ANGPT1: variants seen among roughly 807,000 people sequenced by gnomAD.
ANGPT1 encodes angiopoietin-1.
In ANGPT1, 17 loss-of-function variants were observed where a neutral mutation model predicts 62.2. The ratio of observed to expected loss-of-function variants is 0.27; its 90% confidence interval spans 0.19 to 0.41. The LOEUF is 0.41. ANGPT1 is among the 10% of genes least tolerant of loss of function. The pLI, the probability that ANGPT1 is intolerant of heterozygous loss-of-function variation, is 1.00. For synonymous variants in ANGPT1, 199 were observed against 198.9 expected (o/e 1.00, Z 0.00); for missense variants, 478 against 594.9 (o/e 0.80, Z 2.04).
At chr8:107,376,779 A>G (rs900483628) in intron 1 of ANGPT1, among the ~76,000 whole-genome samples, 32 of 152,196 alleles carry the variant, frequency 2.1e-4, no homozygotes, top group African/African-American at 7.5e-4. Flanking sequence ...ACTAAATTCC[A>G]AAATTTTTAC....
chr8:107,404,384 A>C (rs1463657106), intron 1 of ANGPT1, among the ~76,000 whole-genome samples: 2 of 152,108 alleles, frequency 1.3e-5, no homozygotes, highest in Admixed American at 1.3e-4. Flanking sequence ...TGTCCCTCCA[A>C]AGAGATAACC....
chr8:107,318,065 A>T (rs1045385215), intron 4 of ANGPT1, among the ~76,000 whole-genome samples: 2 of 152,230 alleles, frequency 1.3e-5, no homozygotes, highest in Non-Finnish European at 2.9e-5. Flanking sequence ...GAATTGCCAA[A>T]AACATGAAGC....
At chr8:107,307,647 C>T (rs192188577) in intron 4 of ANGPT1, among the ~76,000 whole-genome samples, 15 of 152,090 alleles carry the variant, frequency 9.9e-5, no homozygotes, top group East Asian at 5.8e-4. Context: ...CCTCTTTTAT[C>T]GGTTTATTTT....
At chr8:107,397,340 G>A (rs765077407) in intron 1 of ANGPT1, among the ~76,000 whole-genome samples, 2 of 152,172 alleles carry the variant, frequency 1.3e-5, no homozygotes, top group East Asian at 3.9e-4. Flanking sequence ...ACTGGAAAAT[G>A]TTAGGCTCCA....
intron 1 of ANGPT1, among the ~76,000 whole-genome samples, chr8:107,364,972 A>G (rs1157709410): frequency 6.4e-5 from 3 of 46,996 alleles, no homozygotes; most frequent in Middle Eastern, 9.3e-3. Flanking sequence ...CAGAAGGGGG[A>G]AAAAAAAAGA....
intron 6 of ANGPT1, among the ~76,000 whole-genome samples, chr8:107,290,926 C>T (rs973818045): frequency 8.5e-5 from 13 of 152,312 alleles, no homozygotes; most frequent in African/African-American, 2.6e-4. Flanking sequence ...GTATCTCTTA[C>T]TTAACATGCC....
At chr8:107,322,608 A>G in intron 3 of ANGPT1, 1 of 187,686 alleles carries the variant, frequency 5.3e-6, no homozygotes, top group Non-Finnish European at 1.1e-5. Context: ...GTTCTGTGGG[A>G]TCAAGAATAG....
At chr8:107,257,892 T>TTC (rs1379237981) in intron 8 of ANGPT1, among the ~76,000 whole-genome samples, 1 of 95,598 alleles carries the variant, frequency 1.0e-5, no homozygotes, top group Non-Finnish European at 2.3e-5. Flanking sequence ...TTTTTGTTTG[T>TTC]TTGTTTGTTT....
intron 3 of ANGPT1, among the ~76,000 whole-genome samples, chr8:107,329,115 G>A (rs1463459321): frequency 6.6e-6 from 1 of 151,988 alleles, no homozygotes; most frequent in East Asian, 1.9e-4. Context: ...ATATAAACAA[G>A]TACTTGTGCA....
rs73702057 is a variant in ANGPT1, at chr8:107,383,465, G to A, written c.298-36368C>T. On this transcript the variant is annotated intron_variant, in intron 1 of 8. Coordinates refer to ENST00000517746, the MANE Select transcript of ANGPT1 (RefSeq NM_001146.5). ...CAACAGGACTTGTTCTTCTTGCACC[G>A]AATTCCAGGTTTATCACAGCAGTAA... Among the ~76,000 whole-genome samples the A allele has an allele frequency of 3.7e-3, 565 of 152,228 alleles. 4 individuals are homozygous for A. The highest frequency in any genetic ancestry group is 0.013 in the African/African-American group (537 of 41,544).
At chr8:107,326,967 T>C (rs1815304952) in intron 3 of ANGPT1, among the ~76,000 whole-genome samples, 1 of 152,126 alleles carries the variant, frequency 6.6e-6, no homozygotes, top group Non-Finnish European at 1.5e-5. Flanking sequence ...CACTATAATC[T>C]CTTCCTATTC....
intron 1 of ANGPT1, among the ~76,000 whole-genome samples, chr8:107,439,547 T>C (rs1048966880): frequency 2.0e-5 from 3 of 152,112 alleles, no homozygotes; most frequent in African/African-American, 4.8e-5. Context: ...CGAATATCTG[T>C]AGAAATAAGG....
rs200470101 is a variant in ANGPT1 at position 107,336,293 on chromosome 8, A to G, written c.454-22T>C. Reference sequence around the variant, plus strand: ...GTACCTTAAGATAAAAGATGAAAATATTTCAAACTTCAGTCACGAATCAAA... The same window carrying G: ...GTACCTTAAGATAAAAGATGAAAATGTTTCAAACTTCAGTCACGAATCAAA... On this transcript the variant is annotated intron_variant, in intron 2 of 8. Coordinates refer to ENST00000517746, the MANE Select transcript of ANGPT1 (RefSeq NM_001146.5). 3,832 of 1,567,256 alleles carry G rather than the reference A, an allele frequency of 2.4e-3. 45 individuals carry two copies. Among genetic ancestry groups the G allele is most frequent in the South Asian group, 0.021 (1,676 of 81,412 alleles).
chr8:107,256,431 G>A (rs546377978), intron 8 of ANGPT1, among the ~76,000 whole-genome samples: 1 of 152,194 alleles, frequency 6.6e-6, no homozygotes, highest in Non-Finnish European at 1.5e-5. Flanking sequence ...AAAATATGTG[G>A]TTTAAAGCAT....
intron 3 of ANGPT1, among the ~76,000 whole-genome samples, chr8:107,323,244 A>C (rs1439210907): frequency 1.3e-5 from 2 of 152,136 alleles, no homozygotes; most frequent in African/African-American, 4.8e-5. Flanking sequence ...CATTTTATGG[A>C]GTGTCTAATA....
At position 107,271,244 on chromosome 8, in the gene ANGPT1, T is replaced by C. The variant is rs1009606391; in HGVS notation, c.1206-6893A>G. Among the ~76,000 whole-genome samples the C allele has an allele frequency of 3.9e-5, 6 of 152,200 alleles. No individual in the cohort carries two copies. In the South Asian group the frequency reaches 6.2e-4, roughly 16 times the overall value. On this transcript the variant is annotated intron_variant, in intron 7 of 8. Coordinates refer to ENST00000517746, the MANE Select transcript of ANGPT1 (RefSeq NM_001146.5). ...CTTTCTGATCCTCAGTTGCCTCATC[T>C]GTAAAATACCTCTATGTCCTGCCAA...
intron 1 of ANGPT1, among the ~76,000 whole-genome samples, chr8:107,347,800 A>G (rs1436198084): frequency 6.6e-6 from 1 of 152,178 alleles, no homozygotes; most frequent in Non-Finnish European, 1.5e-5. Flanking sequence ...AGTACAACCC[A>G]TATAGCAGTA....
intron 1 of ANGPT1, among the ~76,000 whole-genome samples, chr8:107,431,598 C>A (rs556640016): frequency 6.6e-6 from 1 of 152,316 alleles, no homozygotes; most frequent in South Asian, 2.1e-4. Flanking sequence ...TTAGCAAGAT[C>A]TGCAATCTCT....
chr8:107,287,410 A>T (rs551639573), intron 6 of ANGPT1, among the ~76,000 whole-genome samples: 1 of 152,336 alleles, frequency 6.6e-6, no homozygotes, highest in Admixed American at 6.5e-5. Context: ...AGTGACTAAA[A>T]AGAACGCAGT....
Sources: gnomAD v4.1 joint callset for allele counts (sites outside exome capture counted in the v4.1 genomes callset) on GRCh38, gnomAD v4.1.1 for gene constraint, MANE v1.5 for transcripts, NCBI Gene and HGNC (gene_info 2026-07-23, HGNC 2026-07-21) for gene names.